Variants in KCNH1 observed in about 807,000 individuals in gnomAD.
KCNH1 encodes potassium voltage-gated channel subfamily H member 1.
In KCNH1, 27 loss-of-function variants were observed where a neutral mutation model predicts 69.2. The ratio of observed to expected loss-of-function variants is 0.39; its 90% CI spans 0.29 to 0.54. The LOEUF is 0.54. Among genes scored for constraint, KCNH1 ranks in the 20% least tolerant of loss-of-function variants. KCNH1 has a pLI of 0.68. For missense variants in KCNH1, 798 were observed against 1,261.6 expected, an observed-to-expected ratio of 0.63 and a Z score of 5.57; for synonymous variants, 456 against 487.7, an observed-to-expected ratio of 0.93 and a Z score of 0.86.
chr1:210,689,399 G>A (rs983303120), intron 10 of KCNH1, among the ~76,000 whole-genome samples: 1 of 152,204 alleles, frequency 6.6e-6, no homozygotes, highest in Non-Finnish European at 1.5e-5. Context: ...CAGCACGCAT[G>A]GGGGAAAGGC....
intron 5 of KCNH1, among the ~76,000 whole-genome samples, chr1:211,055,888 T>G (rs1690294986): frequency 1.3e-5 from 2 of 152,148 alleles, no homozygotes; most frequent in African/African-American, 4.8e-5. Context: ...ACAGAAGACT[T>G]GGGCCCTGAA....
chr1:210,859,268 G>T, intron 7 of KCNH1: 1 of 1,605,708 alleles, frequency 6.2e-7, no homozygotes, highest in Non-Finnish European at 8.5e-7. Flanking sequence ...AATCATTTTG[G>T]ATTCATGAGC....
chr1:211,072,452 G>A (rs574234983), intron 5 of KCNH1, among the ~76,000 whole-genome samples: 2 of 152,014 alleles, frequency 1.3e-5, no homozygotes, highest in East Asian at 3.9e-4. Context: ...AATAAGTGAA[G>A]GTAAAATGAA....
chr1:211,077,621 A>C (rs1034284265), intron 5 of KCNH1, among the ~76,000 whole-genome samples: 1 of 152,186 alleles, frequency 6.6e-6, no homozygotes, highest in Admixed American at 6.5e-5. Flanking sequence ...CTAAACATGA[A>C]AAGGAACAAC....
At position 210,744,240 on chromosome 1, in the gene KCNH1, G is replaced by A. The variant is rs953167702; in HGVS notation, c.2112+31108C>T. Among the ~76,000 whole-genome samples the A allele has an allele frequency of 7.2e-5, 11 of 152,262 alleles. No homozygotes were observed. The East Asian group carries it at 1.7e-3, about 24-fold the overall frequency. On this transcript the variant is annotated intron_variant, in intron 10 of 10. Coordinates refer to ENST00000271751, the MANE Select transcript of KCNH1 (RefSeq NM_172362.3). ...GTCTATCTTATCTTACTGACCATCG[G>A]CCCATGTAAGTCTATTCCTTAACCT... is the stretch of plus-strand genomic sequence containing the variant.
chr1:211,058,607 C>G (rs1690359579), intron 5 of KCNH1, among the ~76,000 whole-genome samples: 2 of 150,834 alleles, frequency 1.3e-5, no homozygotes, highest in Non-Finnish European at 3.0e-5. Flanking sequence ...AATACATCCA[C>G]AAAAAAAAGC....
At chr1:210,821,902 T>C (rs1684937437) in intron 7 of KCNH1, among the ~76,000 whole-genome samples, 3 of 151,912 alleles carry the variant, frequency 2.0e-5, no homozygotes, top group South Asian at 4.2e-4. Context: ...AGTGGCATGA[T>C]CATAGCTCAT....
At chr1:210,799,333 C>T (rs1256237896) in intron 8 of KCNH1, among the ~76,000 whole-genome samples, 1 of 152,118 alleles carries the variant, frequency 6.6e-6, no homozygotes, top group East Asian at 1.9e-4. Context: ...GGTAGCTTGA[C>T]ATTAGAGCCT....
chr1:210,690,279 GC>G (rs1238765855), intron 10 of KCNH1, among the ~76,000 whole-genome samples: 1 of 152,142 alleles, frequency 6.6e-6, no homozygotes, highest in Non-Finnish European at 1.5e-5. Flanking sequence ...CATTTATTGA[GC>G]AACCACTGTC....
At chr1:211,095,049 C>T (rs900890014) in intron 3 of KCNH1, among the ~76,000 whole-genome samples, 2 of 152,168 alleles carry the variant, frequency 1.3e-5, no homozygotes, top group Admixed American at 6.5e-5. Flanking sequence ...GACTTTCCTG[C>T]AGACAGAGCT....
rs183732581 is a variant in KCNH1 at position 210,769,814 on chromosome 1, T to C, written c.2112+5534A>G. Among the ~76,000 whole-genome samples, 6 of 152,232 alleles carry C rather than the reference T, an allele frequency of 3.9e-5. No individual in the cohort carries two copies. In the East Asian group the frequency reaches 9.7e-4, roughly 24 times the overall value. On this transcript the variant is annotated intron_variant, in intron 10 of 10. Transcript: ENST00000271751. ...AGGAAAGTAGAGCCCAAGTGAAACA[T>C]CGACTAAAGAAATGTCTGGTTATTA...
chr1:210,815,657 T>G (rs1460649534), intron 7 of KCNH1, among the ~76,000 whole-genome samples: 1 of 152,168 alleles, frequency 6.6e-6, no homozygotes, highest in East Asian at 1.9e-4. Flanking sequence ...AACAGTCAAT[T>G]TAGAGACTGA....
At chr1:210,700,190 C>T (rs572584616) in intron 10 of KCNH1, among the ~76,000 whole-genome samples, 1 of 152,332 alleles carries the variant, frequency 6.6e-6, no homozygotes, top group African/African-American at 2.4e-5. Context: ...AATTATTATA[C>T]TGCTCCAAGG....
chr1:210,819,449 C>A (rs1684882173), intron 7 of KCNH1, among the ~76,000 whole-genome samples: 2 of 152,134 alleles, frequency 1.3e-5, no homozygotes, highest in African/African-American at 4.8e-5. Flanking sequence ...CACATGGACT[C>A]TGAACAGCCA....
intron 6 of KCNH1, among the ~76,000 whole-genome samples, chr1:210,952,411 C>A (rs1047313022): frequency 6.6e-6 from 1 of 152,314 alleles, no homozygotes; most frequent in South Asian, 2.1e-4. Flanking sequence ...GGAGTCCTTA[C>A]TATGTGCAGG....
chr1:210,965,111 G>A (rs767783880), intron 6 of KCNH1, among the ~76,000 whole-genome samples: 4 of 152,060 alleles, frequency 2.6e-5, no homozygotes, highest in African/African-American at 7.2e-5. Context: ...AAAATAACAA[G>A]AACTATTTAT....
rs376158680 is a variant in KCNH1 at position 211,061,273 on chromosome 1, A to G, written c.558+21507T>C. 3.9e-4 allele frequency among the ~76,000 whole-genome samples: 59 copies of G among 152,306 alleles called. 1 individual carries two copies. The South Asian group carries it at 0.012, about 30-fold the overall frequency. On this transcript the variant is annotated intron_variant, in intron 5 of 10. Coordinates refer to ENST00000271751, the MANE Select transcript of KCNH1 (RefSeq NM_172362.3). ...AATTCAATATGCCTCATGATTAAAA[A>G]TAAACACCTCAAGAAACTAGATAGA... is the stretch of plus-strand genomic sequence containing the variant.
At chr1:210,739,958 C>A (rs1206973577) in intron 10 of KCNH1, among the ~76,000 whole-genome samples, 1 of 151,916 alleles carries the variant, frequency 6.6e-6, no homozygotes, top group Non-Finnish European at 1.5e-5. Context: ...AAAGGTCAAT[C>A]CAAGATACCA....
intron 10 of KCNH1, among the ~76,000 whole-genome samples, chr1:210,740,078 A>G (rs959180261): frequency 6.6e-6 from 1 of 152,176 alleles, no homozygotes; most frequent in Non-Finnish European, 1.5e-5. Context: ...AAAGATAGTA[A>G]ACCTTCCTGG....
Sources: gnomAD v4.1 joint callset for allele counts (sites outside exome capture counted in the v4.1 genomes callset) on GRCh38, gnomAD v4.1.1 for gene constraint, MANE v1.5 for transcripts, NCBI Gene and HGNC (gene_info 2026-07-23, HGNC 2026-07-21) for gene names.